PDE4D: variants seen among roughly 807,000 people sequenced by gnomAD.
The protein encoded by PDE4D is 3',5'-cyclic-AMP phosphodiesterase 4D.
PDE4D carries 24 observed loss-of-function variants against 87.4 expected under a neutral mutation model. That is an observed-to-expected ratio of 0.27 (90% CI 0.20 to 0.39). The LOEUF is 0.39. Ranked by LOEUF, PDE4D falls within the 10% of genes least tolerant of loss-of-function variation. The pLI is 1.00. For missense variants in PDE4D, 714 were observed against 1,041.0 expected, an observed-to-expected ratio of 0.69 and a Z score of 4.32; for synonymous variants, 384 against 383.2, an observed-to-expected ratio of 1.00 and a Z score of -0.02.
Position 58,994,399 on chromosome 5 carries a change from A to G in PDE4D, c.922-934T>C, listed in dbSNP as rs6886569. On this transcript the variant is annotated intron_variant, in intron 6 of 14. Coordinates refer to ENST00000340635, the MANE Select transcript of PDE4D (RefSeq NM_001104631.2). ...CATTTCAGAGTCCTTTGACTCTGAA[A>G]ACAACCCGACGAGGCCTTTTAATAA... 9.1e-4 allele frequency among the ~76,000 whole-genome samples: 139 copies of G among 152,268 alleles called. 2 individuals carry two copies. The highest frequency in any genetic ancestry group is 3.1e-3 in the African/African-American group (127 of 41,556).
intron 1 of PDE4D, among the ~76,000 whole-genome samples, chr5:59,641,460 C>T (rs75890032): frequency 2.6e-5 from 4 of 152,092 alleles, no homozygotes; most frequent in Non-Finnish European, 5.9e-5. Context: ...AAAGGGAGAG[C>T]GAATATCGTT....
intron 1 of PDE4D, among the ~76,000 whole-genome samples, chr5:60,392,545 G>A (rs911516558): frequency 1.3e-5 from 2 of 152,106 alleles, no homozygotes; most frequent in Non-Finnish European, 2.9e-5. Context: ...TTGTAACTCT[G>A]GTGCCCAGAT....
intron 1 of PDE4D, among the ~76,000 whole-genome samples, chr5:59,502,113 G>A (rs1309956134): frequency 6.6e-6 from 1 of 151,968 alleles, no homozygotes; most frequent in African/African-American, 2.4e-5. Flanking sequence ...TATCCCTCCT[G>A]TCTCCTAGCA....
At chr5:59,714,690 C>G (rs1310608464) in intron 1 of PDE4D, among the ~76,000 whole-genome samples, 1 of 152,174 alleles carries the variant, frequency 6.6e-6, no homozygotes, top group Admixed American at 6.5e-5. Flanking sequence ...TTCGCCTTCA[C>G]GGGAAGGTGA....
intron 2 of PDE4D, among the ~76,000 whole-genome samples, chr5:60,099,371 A>G (rs902916855): frequency 1.2e-4 from 18 of 152,122 alleles, no homozygotes; most frequent in Admixed American, 3.9e-4. Context: ...TTTAGCCACT[A>G]ATGAATGTAA....
chr5:59,516,852 G>A (rs1320796440), intron 1 of PDE4D, among the ~76,000 whole-genome samples: 1 of 151,740 alleles, frequency 6.6e-6, no homozygotes, highest in East Asian at 1.9e-4. Context: ...CAAAAAACAC[G>A]AGAGCTTTTA....
chr5:59,533,345 AC>A (rs1258487555), intron 1 of PDE4D, among the ~76,000 whole-genome samples: 1 of 152,268 alleles, frequency 6.6e-6, no homozygotes, highest in Non-Finnish European at 1.5e-5. Flanking sequence ...TTACTAGAAG[AC>A]TAAAAATCTA....
intron 3 of PDE4D, among the ~76,000 whole-genome samples, chr5:59,942,983 C>G (rs189137429): frequency 1.7e-3 from 266 of 152,146 alleles, no homozygotes; most frequent in African/African-American, 4.9e-3. Context: ...TCCCAAAACG[C>G]ACAGAACAGC....
chr5:60,493,363 A>G (rs115196485), intron 1 of PDE4D, among the ~76,000 whole-genome samples: 90 of 152,388 alleles, frequency 5.9e-4, no homozygotes, highest in African/African-American at 2.1e-3. Context: ...TATCCAAAAT[A>G]CATGAACCAT....
intron 1 of PDE4D, among the ~76,000 whole-genome samples, chr5:59,551,760 T>C (rs930960545): frequency 7.2e-5 from 11 of 152,282 alleles, no homozygotes; most frequent in Non-Finnish European, 1.5e-4. Context: ...TAAAATGTGA[T>C]TGGAATTGCC....
intron 3 of PDE4D, among the ~76,000 whole-genome samples, chr5:59,191,388 T>TTA (rs1384278429): frequency 6.6e-6 from 1 of 151,712 alleles, no homozygotes; most frequent in African/African-American, 2.4e-5. Flanking sequence ...TATTAAATAT[T>TTA]TATATATATT....
intron 2 of PDE4D, among the ~76,000 whole-genome samples, chr5:60,017,827 G>A (rs1765669571): frequency 6.6e-6 from 1 of 152,130 alleles, no homozygotes; most frequent in South Asian, 2.1e-4. Flanking sequence ...TGGGATTGCT[G>A]AGTCAAATGG....
chr5:60,247,037 T>C (rs1442791121), intron 1 of PDE4D, among the ~76,000 whole-genome samples: 1 of 152,016 alleles, frequency 6.6e-6, no homozygotes, highest in Non-Finnish European at 1.5e-5. Context: ...AGATGTGTTT[T>C]TGAAGGAGAC....
chr5:59,776,137 A>T (rs1249773395), intron 1 of PDE4D, among the ~76,000 whole-genome samples: 1 of 152,204 alleles, frequency 6.6e-6, no homozygotes, highest in Non-Finnish European at 1.5e-5. Context: ...ACTATAAGGA[A>T]TCTTCTGAAA....
chr5:59,957,834 C>A (rs1353069702), intron 3 of PDE4D, among the ~76,000 whole-genome samples: 1 of 151,892 alleles, frequency 6.6e-6, no homozygotes, highest in East Asian at 1.9e-4. Context: ...TAGAATTTGT[C>A]ATTCTAAGTT....
chr5:60,457,359 A>T (rs1746553494), intron 1 of PDE4D, among the ~76,000 whole-genome samples: 1 of 152,200 alleles, frequency 6.6e-6, no homozygotes. Flanking sequence ...AAGAGATAGA[A>T]GGCTTGGCCT....
intron 2 of PDE4D, among the ~76,000 whole-genome samples, chr5:60,047,542 C>A (rs1377406188): frequency 6.6e-6 from 1 of 152,038 alleles, no homozygotes; most frequent in South Asian, 2.1e-4. Context: ...GCTTTGAATG[C>A]GTCCCAGAGA....
intron 1 of PDE4D, among the ~76,000 whole-genome samples, chr5:59,330,989 C>T (rs1265130207): frequency 6.6e-6 from 1 of 152,160 alleles, no homozygotes; most frequent in Non-Finnish European, 1.5e-5. Flanking sequence ...ACCGCCTGTC[C>T]TTCTGGATCG....
chr5:60,479,318 A>G (rs1053568980), intron 1 of PDE4D, among the ~76,000 whole-genome samples: 2 of 152,210 alleles, frequency 1.3e-5, no homozygotes, highest in African/African-American at 4.8e-5. Context: ...TGTACTGATC[A>G]CACTAGAGCA....
Sources: gnomAD v4.1 joint callset for allele counts (sites outside exome capture counted in the v4.1 genomes callset) on GRCh38, gnomAD v4.1.1 for gene constraint, MANE v1.5 for transcripts, NCBI Gene and HGNC (gene_info 2026-07-23, HGNC 2026-07-21) for gene names.